PLCG1: variants seen among roughly 807,000 people sequenced by gnomAD.
PLCG1 encodes the protein 1-phosphatidylinositol 4,5-bisphosphate phosphodiesterase gamma-1.
In PLCG1, 71 loss-of-function variants were observed where a neutral mutation model predicts 177.8. That is an observed-to-expected ratio of 0.40 (90% CI 0.33 to 0.49). PLCG1 has a LOEUF of 0.49. Ranked by LOEUF, PLCG1 falls within the 20% of genes least tolerant of loss-of-function variation. The pLI is 0.72. For missense variants in PLCG1, 1,281 were observed against 1,709.0 expected (o/e 0.75, Z 4.42); for synonymous variants, 658 against 647.9 (o/e 1.02, Z -0.24).
At position 41,137,809 on chromosome 20, in the gene PLCG1, G is replaced by C. The variant is rs2034647064; in HGVS notation, c.168G>C (p.Glu56Asp). 7.7e-7 allele frequency: 1 copy of C among 1,301,998 alleles called. No individual in the cohort carries two copies. The highest frequency in any genetic ancestry group is 9.8e-7 in the Non-Finnish European group (1 of 1,017,776). 80.7% of individuals were successfully genotyped at this position (1,301,998 alleles called of 1,614,324 possible). A position where few individuals can be genotyped will look rare whatever the true frequency, so the allele number is the denominator to read the frequency against. ...PERKTFQVKL[E>D]TRQITWSRGA... ...GGAAGACCTTCCAGGTCAAGCTGGA[G>C]ACGCGCCAGATCACGTGGAGCCGGG... The change falls in exon 1 of 32, where the codon GAG (glutamate) becomes GAC (aspartate). Residue 56 changes from glutamate to aspartate, a missense_variant. Transcript: ENST00000685551. This position sits in a 1 kb window ranked among gnomAD's most constrained non-coding sequence, Gnocchi z 7.3.
At chr20:41,168,744 A>G (rs1414064378) in intron 20 of PLCG1, 23 bp from the exon 21 acceptor site, 1 of 1,473,476 alleles carries the variant, frequency 6.8e-7, no homozygotes. Context: ...TTCTGCTCTG[A>G]CTGGTGCTTC....
chr20:41,174,399 G>GT lies in PLCG1; in HGVS notation c.3834-67dup. ...TTTCTTTCTCCTGGGTAGAAAAGTT[G>GT]TAATATTGTCTGGCATTGGGCTGCA... On this transcript the variant is annotated intron_variant, in intron 31 of 31. Transcript: ENST00000685551. The surrounding 1 kb of genome is among the most constrained non-coding windows in gnomAD (Gnocchi z 5.8). 1 of 1,601,880 alleles carries GT rather than the reference G, an allele frequency of 6.2e-7. No individual in the cohort carries two copies. The highest frequency in any genetic ancestry group is 8.5e-7 in the Non-Finnish European group (1 of 1,171,088).
In PLCG1 at chr20:41,159,934, G is replaced by A. The variant is rs747872340; in HGVS notation, c.435G>A (p.Leu145=). The change falls in exon 3 of 32, where the codon TTG becomes TTA. Residue 145 remains leucine, a synonymous_variant. Transcript: ENST00000685551. The surrounding 1 kb of genome is among the most constrained non-coding windows in gnomAD (Gnocchi z 6.0). ...TAACTTGGCTGATGGAGGATACATT[G>A]CAGGCACCCACACCCCTGCAGATTG... The part of the protein sequence containing the change: ...KGLTWLMEDT[L]QAPTPLQIER... 1.4e-5 allele frequency: 22 copies of A among 1,614,026 alleles called. No homozygotes were observed. In the African/African-American group the frequency reaches 2.8e-4, roughly 21 times the overall value.
At position 41,164,806 on chromosome 20, in the gene PLCG1, T is replaced by C. The variant is rs2146042036; in HGVS notation, c.1218-127T>C. The stretch of plus-strand genomic sequence containing the variant: ...CCACCAGTGGCTATGGCCTGCCTCT[T>C]TTCTGGGATAGTTTTTACAGACAAG... On this transcript the variant is annotated intron_variant, in intron 12 of 31. Transcript: ENST00000685551. This position sits in a 1 kb window ranked among gnomAD's most constrained non-coding sequence, Gnocchi z 6.4. 7 of 927,228 alleles carry C rather than the reference T, an allele frequency of 7.5e-6. No individual in the cohort carries two copies. The South Asian group carries it at 1.0e-4, about 14-fold the overall frequency. 57.4% of individuals were successfully genotyped at this position (927,228 alleles called of 1,614,324 possible).
rs781320756 is a variant in PLCG1, at chr20:41,159,611, A to T, written c.223A>T (p.Ile75Phe). 1 of 1,613,964 alleles carries T rather than the reference A, an allele frequency of 6.2e-7. No individual in the cohort carries two copies. The highest frequency in any genetic ancestry group is 8.5e-7 in the Non-Finnish European group (1 of 1,179,940). Residue 75 changes from isoleucine (I) to phenylalanine (F), a missense_variant, in exon 2 of 32, where the codon ATT (isoleucine) becomes TTT (phenylalanine). Coordinates refer to ENST00000685551, the MANE Select transcript of PLCG1 (RefSeq NM_002660.3). The surrounding 1 kb of genome is among the most constrained non-coding windows in gnomAD (Gnocchi z 6.0). ...CCTCTTTGCTACCTTCCTAGTTGAC[A>T]TTCGTGAAATTAAGGAGATCCGCCC... Reference protein sequence around the residue: ...GADKIEGAIDIREIKEIRPGK... With the variant: ...GADKIEGAIDFREIKEIRPGK...
intron 1 of PLCG1, among the ~76,000 whole-genome samples, chr20:41,142,482 GCTC>G (rs1415119828): frequency 6.6e-6 from 1 of 152,198 alleles, no homozygotes; most frequent in Admixed American, 6.5e-5. Context: ...AGGCCAGTGA[GCTC>G]CTACGGTTTG....
chr20:41,172,811 T>C lies in PLCG1; in HGVS notation c.3213T>C (p.Asp1071=). The part of the protein sequence containing the change: ...GYVLQPSTMR[D]EAFDPFDKSS... ...TGCTGCAGCCAAGCACCATGCGGGA[T>C]GAGGCCTTCGACCCCTTTGACAAGA... The change falls in exon 27 of 32, where the codon GAT becomes GAC. Residue 1071 remains aspartate (D), a synonymous_variant. Coordinates refer to ENST00000685551, the MANE Select transcript of PLCG1 (RefSeq NM_002660.3). This position sits in a 1 kb window ranked among gnomAD's most constrained non-coding sequence, Gnocchi z 7.0. 1 of 1,614,202 alleles carries C rather than the reference T, an allele frequency of 6.2e-7. No individual in the cohort carries two copies. The highest frequency in any genetic ancestry group is 8.5e-7 in the Non-Finnish European group (1 of 1,180,046).
rs563908104 is a variant in PLCG1 at position 41,151,864 on chromosome 20, G to C, written c.218-7742G>C. Among the ~76,000 whole-genome samples, 2 of 152,152 alleles carry C rather than the reference G, an allele frequency of 1.3e-5. No individual in the cohort carries two copies. Among genetic ancestry groups the C allele is most frequent in the Admixed American group, 1.3e-4 (2 of 15,284 alleles). On this transcript the variant is annotated intron_variant, in intron 1 of 31. Coordinates refer to ENST00000685551, the MANE Select transcript of PLCG1 (RefSeq NM_002660.3). The surrounding 1 kb of genome is among the most constrained non-coding windows in gnomAD (Gnocchi z 5.5). ...GAGCTGCAAAAACCTTGCCAAAGCC[G>C]TATGGTCCTGATGGGTGCAGAGCCC... is the stretch of plus-strand genomic sequence containing the variant.
Position 41,170,045 on chromosome 20 carries a change from C to T in PLCG1, c.2651-67C>T, listed in dbSNP as rs78233626. 5.7e-5 allele frequency: 80 copies of T among 1,392,932 alleles called. 1 individual carries two copies. In the East Asian group the frequency reaches 1.3e-3, roughly 23 times the overall value. 86.3% of individuals were successfully genotyped at this position (1,392,932 alleles called of 1,614,324 possible). A position where few individuals can be genotyped will look rare whatever the true frequency, so the allele number is the denominator to read the frequency against. ...TAGAACTCATTTGAGCCAGTGCCTG[C>T]GGTGTGGAGTGGGGTGGAGGGGGTG... On this transcript the variant is annotated intron_variant, in intron 23 of 31. Transcript: ENST00000685551.
Position 41,174,544 on chromosome 20 carries a change from T to C in PLCG1, c.*35T>C, listed in dbSNP as rs1261004658. The C allele has an allele frequency of 1.9e-6, 3 of 1,560,382 alleles. No individual in the cohort carries two copies. Among genetic ancestry groups the C allele is most frequent in the Non-Finnish European group, 2.6e-6 (3 of 1,149,408 alleles). On this transcript the variant is annotated 3_prime_UTR_variant, in exon 32 of 32. Coordinates refer to ENST00000685551, the MANE Select transcript of PLCG1 (RefSeq NM_002660.3). This position sits in a 1 kb window ranked among gnomAD's most constrained non-coding sequence, Gnocchi z 5.8. ...AGCCTCGTTGGAGAGCAGCAGGTGC[T>C]GTGCGCCTTGTAGAATGCCGCGAAC...
chr20:41,170,211 A>G lies in PLCG1; in HGVS notation c.2750A>G (p.Glu917Gly). 6.2e-7 allele frequency: 1 copy of G among 1,614,052 alleles called. No homozygotes were observed. The highest frequency in any genetic ancestry group is 2.2e-5 in the East Asian group (1 of 44,880). The change falls in exon 24 of 32, where the codon GAG becomes GGG. Residue 917 changes from glutamate (E) to glycine (G), a missense_variant. Glu to Gly is a moderately conservative substitution (Grantham distance 98). Around this residue, in one of 4 missense-constraint regions of PLCG1, gnomAD observed 723 missense variants for 1,030.0 expected, o/e 0.70. Coordinates refer to ENST00000685551, the MANE Select transcript of PLCG1 (RefSeq NM_002660.3). ...WSLDVAADSQ[E>G]ELQDWVKKIR... ...CTGGATGTTGCTGCCGACTCACAGG[A>G]GGAGCTGCAGGACTGGGTGAAAAAG...
rs1316455410 is a variant in PLCG1 at position 41,151,819 on chromosome 20, A to G, written c.218-7787A>G. On this transcript the variant is annotated intron_variant, in intron 1 of 31. Transcript: ENST00000685551. The surrounding 1 kb of genome is among the most constrained non-coding windows in gnomAD (Gnocchi z 5.5). ...TCCTATCTTTGTCTCTTCTTTGGCTACCTCCATCCTTTTCCTTCAGAGCTG... is the reference window on the plus strand; with the variant it reads ...TCCTATCTTTGTCTCTTCTTTGGCTGCCTCCATCCTTTTCCTTCAGAGCTG... 2.0e-5 allele frequency among the ~76,000 whole-genome samples: 3 copies of G among 151,986 alleles called. No individual in the cohort carries two copies. Among genetic ancestry groups the G allele is most frequent in the Non-Finnish European group, 4.4e-5 (3 of 67,988 alleles).
chr20:41,146,564 A>G lies in PLCG1; in HGVS notation c.217+8706A>G, dbSNP rs550044441. 1.3e-5 allele frequency among the ~76,000 whole-genome samples: 2 copies of G among 152,252 alleles called. No individual in the cohort carries two copies. The highest frequency in any genetic ancestry group is 4.8e-5 in the African/African-American group (2 of 41,548). On this transcript the variant is annotated intron_variant, in intron 1 of 31. Coordinates refer to ENST00000685551, the MANE Select transcript of PLCG1 (RefSeq NM_002660.3). This position sits in a 1 kb window ranked among gnomAD's most constrained non-coding sequence, Gnocchi z 6.3. ...TGAACAGCTGGCCAAACTGGTGAGG[A>G]GTTGGGCCATGGCGAGTTTGGCCAC...
intron 1 of PLCG1, among the ~76,000 whole-genome samples, chr20:41,145,558 C>T (rs1195836348): frequency 6.6e-6 from 1 of 152,206 alleles, no homozygotes; most frequent in East Asian, 1.9e-4. Flanking sequence ...CAGTATCCTC[C>T]TGCTGCCCAG....
At chr20:41,158,510 G>A (rs1319373724) in intron 1 of PLCG1, among the ~76,000 whole-genome samples, 1 of 152,192 alleles carries the variant, frequency 6.6e-6, no homozygotes, top group Non-Finnish European at 1.5e-5. Flanking sequence ...TGGAGAGTGT[G>A]TCAGAGCCTG....
chr20:41,137,827 G>T lies in PLCG1; in HGVS notation c.186G>T (p.Trp62Cys). 3.1e-6 allele frequency: 4 copies of T among 1,296,508 alleles called. No individual in the cohort carries two copies. Among genetic ancestry groups the T allele is most frequent in the East Asian group, 2.9e-5 (1 of 34,120 alleles). 80.3% of individuals were successfully genotyped at this position (1,296,508 alleles called of 1,614,324 possible). ...AGCTGGAGACGCGCCAGATCACGTG[G>T]AGCCGGGGCGCCGACAAGATCGAGG... ...QVKLETRQIT[W>C]SRGADKIEGA... Residue 62 changes from tryptophan to cysteine, a missense_variant, in exon 1 of 32, where the codon TGG (tryptophan) becomes TGT (cysteine). By Grantham distance (215) the Trp-to-Cys change is radical. Coordinates refer to ENST00000685551, the MANE Select transcript of PLCG1 (RefSeq NM_002660.3). This position sits in a 1 kb window ranked among gnomAD's most constrained non-coding sequence, Gnocchi z 7.3.
At position 41,172,415 on chromosome 20, in the gene PLCG1, G is replaced by T. The variant is rs1388424693; in HGVS notation, c.2906-6G>T. ...GCTCTGTAAGTGTTTTCCCTGTTTG[G>T]CCCAGAGATTGGCACAGAACGTGCT... On this transcript the variant is annotated splice_region_variant and splice_polypyrimidine_tract_variant and intron_variant, in intron 25 of 31. Coordinates refer to ENST00000685551, the MANE Select transcript of PLCG1 (RefSeq NM_002660.3). The surrounding 1 kb of genome is among the most constrained non-coding windows in gnomAD (Gnocchi z 7.0). 2.5e-6 allele frequency: 4 copies of T among 1,613,350 alleles called. 1 individual carries two copies. The South Asian group carries it at 3.3e-5, about 13-fold the overall frequency.
In PLCG1 at chr20:41,169,672, C is replaced by T; in HGVS notation, c.2650+146C>T. ...GCTCTCCCCATGCTCTGGACATCCC[C>T]TTGACACCCTGGGCTCCCTTTGTCA... On this transcript the variant is annotated intron_variant, in intron 23 of 31. Coordinates refer to ENST00000685551, the MANE Select transcript of PLCG1 (RefSeq NM_002660.3). 3 of 670,840 alleles carry T rather than the reference C, an allele frequency of 4.5e-6. No individual in the cohort carries two copies. The South Asian group carries it at 5.4e-5, about 12-fold the overall frequency. The allele number at this position is 670,840 out of a possible 1,614,324, so 41.6% of individuals were successfully genotyped here.
rs1222711184 is a variant in PLCG1, at chr20:41,159,838, C to T, written c.371-32C>T. ...CTCCTGCCCAGTGGGAGGTATGTGC[C>T]CTCGGGGCAGCTATTGATACCTTGC... On this transcript the variant is annotated intron_variant, in intron 2 of 31. Transcript: ENST00000685551. The surrounding 1 kb of genome is among the most constrained non-coding windows in gnomAD (Gnocchi z 6.0). The T allele has an allele frequency of 6.2e-7, 1 of 1,612,730 alleles. No individual in the cohort carries two copies. The highest frequency in any genetic ancestry group is 8.5e-7 in the Non-Finnish European group (1 of 1,178,904).
Sources: allele counts gnomAD v4.1 joint callset (sites outside exome capture counted in the v4.1 genomes callset), GRCh38; gene constraint gnomAD v4.1.1; regional missense constraint gnomAD v4.1.1; non-coding constraint Gnocchi (gnomAD v3.1); transcripts MANE v1.5; gene names NCBI Gene and HGNC (gene_info 2026-07-23, HGNC 2026-07-21).